GSE1: variants seen among roughly 807,000 people sequenced by gnomAD.
GSE1 encodes the protein genetic suppressor element 1.
Under a neutral mutation model 112.6 loss-of-function variants are expected in GSE1, and 32 were observed. The ratio of observed to expected loss-of-function variants is 0.28; its 90% CI spans 0.21 to 0.38. The LOEUF is 0.38. GSE1 is among the 10% of genes least tolerant of loss of function. The pLI, the probability that GSE1 is intolerant of heterozygous loss-of-function variation, is 1.00. For missense variants in GSE1, 2,348 were observed against 1,699.2 expected (o/e 1.38, Z -6.71); for synonymous variants, 1,115 against 735.6 (o/e 1.52, Z -8.35).
At chr16:85,478,851 CTTTCTTTCTTTCTTTCT>C (rs1567520230) in intron 2 of GSE1, among the ~76,000 whole-genome samples, 1 of 10,730 alleles carries the variant, frequency 9.3e-5, no homozygotes, top group Admixed American at 9.9e-4. Flanking sequence ...TTCTTTCTTT[CTTTCTTTCTTTCTTTCT>C]TTCTTTCTTT....
Position 85,661,257 on chromosome 16 carries a change from C to T in GSE1, c.1752C>T (p.Leu584=). The change falls in exon 9 of 16, where the codon CTC becomes CTT. Residue 584 remains leucine (L), a synonymous_variant. Transcript: ENST00000253458. The stretch of plus-strand genomic sequence containing the variant: ...AGCTCCATGCTGCACCCACGGCCCT[C>T]TGGAACCCCGTGTCCCTGATGGACA... ...KPQLHAAPTA[L]WNPVSLMDNT... 2.5e-6 allele frequency: 4 copies of T among 1,612,976 alleles called. No homozygotes were observed. The highest frequency in any genetic ancestry group is 2.5e-6 in the Non-Finnish European group (3 of 1,179,990).
chr16:85,555,722 G>A (rs2045173643), upstream of GSE1: 2 of 962,396 alleles, frequency 2.1e-6, no homozygotes, highest in Non-Finnish European at 2.4e-6. Flanking sequence ...AAACCCTGTT[G>A]GAAACAGGTC....
chr16:85,178,161 G>A (rs1002879627), intron 1 of GSE1, among the ~76,000 whole-genome samples: 3 of 152,184 alleles, frequency 2.0e-5, no homozygotes, highest in Non-Finnish European at 4.4e-5. Context: ...AGGGTCTGCT[G>A]AGAGCCTATG....
intron 1 of GSE1, among the ~76,000 whole-genome samples, chr16:85,183,984 A>T (rs754618591): frequency 3.3e-5 from 5 of 152,308 alleles, no homozygotes; most frequent in Non-Finnish European, 7.4e-5. Flanking sequence ...GTAATTGTTC[A>T]TATTTGTTTC....
chr16:85,663,759 A>T, intron 11 of GSE1, 145 bp downstream of exon 11: 1 of 795,426 alleles, frequency 1.3e-6, no homozygotes, highest in Non-Finnish European at 2.0e-6. Flanking sequence ...GCTCCCGGGA[A>T]CAGCCTCTCT....
At chr16:85,295,284 C>T (rs1175133761) in intron 1 of GSE1, among the ~76,000 whole-genome samples, 1 of 152,194 alleles carries the variant, frequency 6.6e-6, no homozygotes, top group East Asian at 1.9e-4. Context: ...GCAGTACAAG[C>T]TCTTTTGTGG....
At chr16:85,248,072 T>C (rs1448316119) in intron 1 of GSE1, among the ~76,000 whole-genome samples, 3 of 152,218 alleles carry the variant, frequency 2.0e-5, no homozygotes, top group African/African-American at 7.2e-5. Flanking sequence ...TCCACCTGCC[T>C]GTGGGGCTGA....
intron 1 of GSE1, among the ~76,000 whole-genome samples, chr16:85,190,277 A>AT (rs2074795049): frequency 6.6e-6 from 1 of 152,214 alleles, no homozygotes; most frequent in Non-Finnish European, 1.5e-5. Flanking sequence ...AAACTGAAAT[A>AT]TTTTTTAATG....
At chr16:85,572,578 G>A (rs1275516312) in intron 1 of GSE1, among the ~76,000 whole-genome samples, 2 of 152,128 alleles carry the variant, frequency 1.3e-5, no homozygotes, top group South Asian at 2.1e-4. Context: ...CACACACCAG[G>A]CTGTGTGTGA....
chr16:85,246,331 ACC>A (rs1176779753), intron 1 of GSE1, among the ~76,000 whole-genome samples: 39,277 of 78,276 alleles, frequency 0.5, 11,287 homozygotes, highest in East Asian at 0.85. Flanking sequence ...ACACACACAC[ACC>A]CCCCACACGC....
chr16:85,259,944 C>G (rs1473922617), intron 1 of GSE1, among the ~76,000 whole-genome samples: 1 of 152,250 alleles, frequency 6.6e-6, no homozygotes, highest in Non-Finnish European at 1.5e-5. Context: ...ACCACTCAAG[C>G]ACACAGAGGC....
At chr16:85,269,902 G>A (rs1285112696) in intron 1 of GSE1, among the ~76,000 whole-genome samples, 1 of 149,670 alleles carries the variant, frequency 6.7e-6, no homozygotes, top group Non-Finnish European at 1.5e-5. Flanking sequence ...GCGCCGACAT[G>A]TAGCTGCGTT....
At chr16:85,422,083 C>G (rs1056642390) in intron 2 of GSE1, among the ~76,000 whole-genome samples, 1 of 152,164 alleles carries the variant, frequency 6.6e-6, no homozygotes, top group Non-Finnish European at 1.5e-5. Flanking sequence ...AAAAGCTGCA[C>G]CTCTGACCCA....
chr16:85,652,400 G>A (rs1218534180), intron 3 of GSE1, among the ~76,000 whole-genome samples: 1 of 152,244 alleles, frequency 6.6e-6, no homozygotes, highest in Non-Finnish European at 1.5e-5. Flanking sequence ...CAGGGCGTCA[G>A]TGCCCATGTG....
chr16:85,335,243 G>T (rs1258431498), intron 1 of GSE1, among the ~76,000 whole-genome samples: 2 of 152,264 alleles, frequency 1.3e-5, no homozygotes, highest in Non-Finnish European at 2.9e-5. Context: ...GAGCCCGGGG[G>T]TGAGCGGCCC....
At chr16:85,207,954 C>T (rs1055361630) in intron 1 of GSE1, 23 of 152,206 alleles carry the variant, frequency 1.5e-4, no homozygotes, top group African/African-American at 5.3e-4. Flanking sequence ...CACTCAAGGG[C>T]CCTGCATCCA....
chr16:85,668,171 C>A lies in GSE1; in HGVS notation c.3162C>A (p.Asn1054Lys). The A allele has an allele frequency of 6.2e-7, 1 of 1,604,302 alleles. No individual in the cohort carries two copies. Among genetic ancestry groups the A allele is most frequent in the Non-Finnish European group, 8.5e-7 (1 of 1,173,746 alleles). Residue 1054 changes from asparagine (N) to lysine (K), a missense_variant, in exon 14 of 16, where the codon AAC (asparagine) becomes AAA (lysine). Coordinates refer to ENST00000253458, the MANE Select transcript of GSE1 (RefSeq NM_014615.5). ...GSVAVLSAEQ[N>K]HKVDTSVHYN... Reference sequence around the variant, plus strand: ...TGGCTGTGCTGTCTGCAGAGCAGAACCACAAGGTTGACACGTCCGTCCACT... The same window carrying A: ...TGGCTGTGCTGTCTGCAGAGCAGAAACACAAGGTTGACACGTCCGTCCACT...
At chr16:85,170,574 C>T (rs1003138930) in exon 1 of GSE1, 5 of 985,648 alleles carry the variant, frequency 5.1e-6, no homozygotes, top group Non-Finnish European at 6.0e-6. Flanking sequence ...AGAACAGTGG[C>T]CGTGTCCCCC....
chr16:85,654,117 A>C lies in GSE1; in HGVS notation c.427-161A>C, dbSNP rs539232607. Among the ~76,000 whole-genome samples the C allele has an allele frequency of 5.3e-5, 8 of 152,168 alleles. No homozygotes were observed. In the East Asian group the frequency reaches 1.5e-3, roughly 29 times the overall value. The stretch of plus-strand genomic sequence containing the variant: ...CCTTTCTTACGGTTCTGCTTCCCAC[A>C]CCACATGCACCATGTTTTGCGTAGA... On this transcript the variant is annotated intron_variant, in intron 3 of 15. Transcript: ENST00000253458.
Sources: allele counts gnomAD v4.1 joint callset (sites outside exome capture counted in the v4.1 genomes callset), GRCh38; gene constraint gnomAD v4.1.1; transcripts MANE v1.5; gene names NCBI Gene and HGNC (gene_info 2026-07-23, HGNC 2026-07-21).